Variants in MED4 observed in about 807,000 individuals in gnomAD.
The protein encoded by MED4 is mediator complex subunit 4, also known as mediator of RNA polymerase II transcription subunit 4.
MED4 carries 21 observed loss-of-function variants against 35.0 expected under a neutral mutation model. That is an observed-to-expected ratio of 0.60 (90% confidence interval 0.43 to 0.86). MED4 has a LOEUF of 0.86. MED4 is among the 40% of genes least tolerant of loss of function. The pLI, the probability that MED4 is intolerant of heterozygous loss-of-function variation, is 0.00. For synonymous variants in MED4, 138 were observed against 114.0 expected (o/e 1.21, Z -1.34); for missense variants, 300 against 319.4 (o/e 0.94, Z 0.46).
At chr13:48,093,155 T>C (rs1374666435) in intron 1 of MED4, among the ~76,000 whole-genome samples, 1 of 152,194 alleles carries the variant, frequency 6.6e-6, no homozygotes, top group Non-Finnish European at 1.5e-5. Context: ...CCTACATTAT[T>C]AGCAGTAATA....
At chr13:48,078,839 T>C (rs778805383) in intron 6 of MED4, among the ~76,000 whole-genome samples, 8 of 152,132 alleles carry the variant, frequency 5.3e-5, no homozygotes, top group Non-Finnish European at 7.3e-5. Flanking sequence ...ACAAAAATGA[T>C]GCATACAAAG....
chr13:48,090,901 T>C (rs1421387689), intron 1 of MED4, among the ~76,000 whole-genome samples: 1 of 152,206 alleles, frequency 6.6e-6, no homozygotes, highest in African/African-American at 2.4e-5. Context: ...TTTTTGTAAA[T>C]AACATTTTCC....
intron 1 of MED4, among the ~76,000 whole-genome samples, chr13:48,094,274 A>G (rs7981114): frequency 0.24 from 36,539 of 152,072 alleles, 5,310 homozygotes; most frequent in African/African-American, 0.42. Context: ...AAGATAATTT[A>G]CCATCCAAGT....
At chr13:48,085,522 T>A (rs756240499) in intron 3 of MED4, among the ~76,000 whole-genome samples, 1 of 152,198 alleles carries the variant, frequency 6.6e-6, no homozygotes, top group Non-Finnish European at 1.5e-5. Flanking sequence ...AACTATTTAC[T>A]AGTGAGTTGT....
At chr13:48,083,784 A>T (rs560453720) in intron 3 of MED4, among the ~76,000 whole-genome samples, 1 of 152,272 alleles carries the variant, frequency 6.6e-6, no homozygotes, top group African/African-American at 2.4e-5. Context: ...AGAATAAAAT[A>T]CCCTTTTTTC....
At position 48,077,217 on chromosome 13, in the gene MED4, A is replaced by G; in HGVS notation, c.735T>C (p.Pro245=). The stretch of plus-strand genomic sequence containing the variant: ...CATCTTCATTTTCTTTATTATGCCC[A>G]GGAGGTTCCAACAAAAAGTCACTAC... ...NHSSDFLLEP[P]GHNKENEDDV... is the part of the protein sequence containing the mutation. Residue 245 remains proline, a synonymous_variant, in exon 7 of 7, where the codon CCT becomes CCC. Transcript: ENST00000258648. The G allele has an allele frequency of 1.3e-6, 2 of 1,599,760 alleles. No individual in the cohort carries two copies. The highest frequency in any genetic ancestry group is 1.4e-5 in the African/African-American group (1 of 73,918).
At chr13:48,082,184 G>C (rs1478947391) in intron 4 of MED4, among the ~76,000 whole-genome samples, 1 of 149,738 alleles carries the variant, frequency 6.7e-6, no homozygotes, top group Non-Finnish European at 1.5e-5. Context: ...GTATTCATTA[G>C]GTAAAAAAAA....
chr13:48,078,434 T>C (rs903175106), intron 6 of MED4, among the ~76,000 whole-genome samples: 6 of 152,184 alleles, frequency 3.9e-5, no homozygotes, highest in Non-Finnish European at 8.8e-5. Flanking sequence ...CATTAAGTGG[T>C]GTTCACCACA....
intron 2 of MED4, among the ~76,000 whole-genome samples, chr13:48,087,679 G>A (rs1374516365): frequency 2.0e-5 from 3 of 151,728 alleles, no homozygotes; most frequent in African/African-American, 7.3e-5. Flanking sequence ...GTGAAACTTC[G>A]TCTCTACTAA....
intron 2 of MED4, among the ~76,000 whole-genome samples, chr13:48,090,075 A>G (rs1219121580): frequency 5.3e-5 from 8 of 152,242 alleles, no homozygotes; most frequent in Non-Finnish European, 1.2e-4. Flanking sequence ...TCAAAGGACA[A>G]AAATAAATAA....
Position 48,095,056 on chromosome 13 carries a change from T to A in MED4, c.23A>T (p.Glu8Val), listed in dbSNP as rs1263794037. 6.2e-7 allele frequency: 1 copy of A among 1,605,284 alleles called. No homozygotes were observed. Among genetic ancestry groups the A allele is most frequent in the South Asian group, 1.1e-5 (1 of 91,086 alleles). The change falls in exon 1 of 7, where the codon GAG (glutamate) becomes GTG (valine). Residue 8 changes from glutamate to valine, a missense_variant. By Grantham distance (121) the Glu-to-Val change is moderately radical. Coordinates refer to ENST00000258648, the MANE Select transcript of MED4 (RefSeq NM_014166.4). MAASSSG[E>V]KEKERLGGGL... The stretch of plus-strand genomic sequence containing the variant: ...GCCTCCCAGCCGCTCCTTCTCCTTC[T>A]CACCACTCGAAGACGCAGCCATTTT...
At chr13:48,084,759 T>C (rs1489158630) in intron 3 of MED4, among the ~76,000 whole-genome samples, 4 of 152,202 alleles carry the variant, frequency 2.6e-5, no homozygotes, top group South Asian at 2.1e-4. Context: ...CCCTCTTCTT[T>C]CCATTTTTCT....
chr13:48,093,255 A>G (rs966879833), intron 1 of MED4, among the ~76,000 whole-genome samples: 11 of 152,224 alleles, frequency 7.2e-5, no homozygotes, highest in Non-Finnish European at 1.3e-4. Context: ...GTTTTGAGTT[A>G]CAAATGGGTT....
intron 2 of MED4, 107 bp from the exon 3 acceptor site, chr13:48,086,559 C>T: frequency 5.4e-6 from 5 of 927,746 alleles, no homozygotes; most frequent in Non-Finnish European, 8.0e-6. Context: ...ATTTCAACAC[C>T]TTCAAAATTT....
Position 48,083,575 on chromosome 13 carries a change from A to T in MED4, c.364-147T>A, listed in dbSNP as rs180860834. ...CAATTTATTTGTAATGTTCTGAAATACCACTTGACATTATTTATTTCAGTC... is the reference window on the plus strand; with the variant it reads ...CAATTTATTTGTAATGTTCTGAAATTCCACTTGACATTATTTATTTCAGTC... On this transcript the variant is annotated intron_variant, in intron 3 of 6. Transcript: ENST00000258648. The T allele has an allele frequency of 3.0e-5, 17 of 575,718 alleles. No homozygotes were observed. The African/African-American group carries it at 3.2e-4, about 11-fold the overall frequency. 35.7% of individuals were successfully genotyped at this position (575,718 alleles called of 1,614,324 possible).
intron 3 of MED4, among the ~76,000 whole-genome samples, chr13:48,084,891 G>C (rs556280704): frequency 2.6e-5 from 4 of 151,602 alleles, no homozygotes; most frequent in African/African-American, 7.3e-5. Context: ...TTTTGAGACA[G>C]AGTCTCCCTC....
chr13:48,089,775 CATAAT>C (rs1950877676), intron 2 of MED4, among the ~76,000 whole-genome samples: 1 of 151,988 alleles, frequency 6.6e-6, no homozygotes, highest in African/African-American at 2.4e-5. Flanking sequence ...GTGCCAAAAA[CATAAT>C]ATAAAATTTA....
rs781418133 is a variant in MED4 at position 48,079,933 on chromosome 13, C to T, written c.551G>A (p.Ser184Asn). 6.2e-7 allele frequency: 1 copy of T among 1,613,930 alleles called. No homozygotes were observed. The highest frequency in any genetic ancestry group is 8.5e-7 in the Non-Finnish European group (1 of 1,179,840). Residue 184 changes from serine (S) to asparagine (N), a missense_variant, in exon 6 of 7, where the codon AGT (serine) becomes AAT (asparagine). By Grantham distance (46) the Ser-to-Asn change is conservative. Coordinates refer to ENST00000258648, the MANE Select transcript of MED4 (RefSeq NM_014166.4). ...RPYPTDLEMR[S>N]GLLGQMNNPS... Reference sequence around the variant, plus strand: ...ATTGTTCATCTGACCCAGTAACCCACTTCTCATCTCTAAATCAGTTGGGTA... The same window carrying T: ...ATTGTTCATCTGACCCAGTAACCCATTTCTCATCTCTAAATCAGTTGGGTA...
intron 1 of MED4, among the ~76,000 whole-genome samples, chr13:48,094,327 T>C (rs759042389): frequency 1.1e-4 from 17 of 152,194 alleles, no homozygotes; most frequent in Non-Finnish European, 2.2e-4. Context: ...GAAAGACTTA[T>C]CATGAAAGGT....
Sources: allele counts gnomAD v4.1 joint callset (sites outside exome capture counted in the v4.1 genomes callset), GRCh38; gene constraint gnomAD v4.1.1; transcripts MANE v1.5; gene names NCBI Gene and HGNC (gene_info 2026-07-23, HGNC 2026-07-21).